SLC24A2: variants seen among roughly 807,000 people sequenced by gnomAD.
The protein encoded by SLC24A2 is solute carrier family 24 member 2, also known as sodium/potassium/calcium exchanger 2.
In SLC24A2, 36 loss-of-function variants were observed where a neutral mutation model predicts 62.0. That is an observed-to-expected ratio of 0.58 (90% CI 0.44 to 0.77). SLC24A2 has a LOEUF of 0.77. SLC24A2 is among the 30% of genes least tolerant of loss of function. The pLI, the probability that SLC24A2 is intolerant of heterozygous loss-of-function variation, is 0.00. For synonymous variants in SLC24A2, 358 were observed against 294.0 expected (o/e 1.22, Z -2.23); for missense variants, 846 against 817.9 (o/e 1.03, Z -0.42).
chr9:19,793,751 A>G (rs1264597256), upstream of SLC24A2, among the ~76,000 whole-genome samples: 4 of 152,196 alleles, frequency 2.6e-5, no homozygotes, highest in African/African-American at 4.8e-5. Context: ...CTCATAGTAT[A>G]TGATAGTCCC....
chr9:19,846,383 T>A, the SLC24A2 span, among the ~76,000 whole-genome samples: 1 of 152,192 alleles, frequency 6.6e-6, no homozygotes, highest in African/African-American at 2.4e-5. Context: ...TGGTTTAAAG[T>A]CTGCTTTAAC....
chr9:20,198,497 C>A, the SLC24A2 span, among the ~76,000 whole-genome samples: 1 of 152,194 alleles, frequency 6.6e-6, no homozygotes, highest in Non-Finnish European at 1.5e-5. Flanking sequence ...TGACTTACTC[C>A]GTGCAGTTTA....
chr9:20,073,653 T>C, the SLC24A2 span, among the ~76,000 whole-genome samples: 1 of 152,088 alleles, frequency 6.6e-6, no homozygotes, highest in African/African-American at 2.4e-5. Flanking sequence ...TATGTGTATA[T>C]TTAACTTCCA....
the SLC24A2 span, among the ~76,000 whole-genome samples, chr9:20,068,057 C>CTTT: frequency 0.011 from 1,002 of 89,602 alleles, 2 homozygotes; most frequent in Middle Eastern, 0.018. Context: ...TTTTTTGACT[C>CTTT]TTTTTTTTTT....
At chr9:20,213,726 G>T in the SLC24A2 span, among the ~76,000 whole-genome samples, 1 of 152,140 alleles carries the variant, frequency 6.6e-6, no homozygotes, top group Non-Finnish European at 1.5e-5. Context: ...ACCACAATTT[G>T]CTCAGGAACT....
the SLC24A2 span, among the ~76,000 whole-genome samples, chr9:20,203,513 A>C: frequency 6.6e-6 from 1 of 152,134 alleles, no homozygotes; most frequent in Non-Finnish European, 1.5e-5. Context: ...TGACTTCTAA[A>C]TTCTCTCCCT....
At chr9:20,175,510 T>C in the SLC24A2 span, among the ~76,000 whole-genome samples, 1 of 152,110 alleles carries the variant, frequency 6.6e-6, no homozygotes, top group South Asian at 2.1e-4. Flanking sequence ...TATTATGCTA[T>C]GTATATTTTA....
chr9:20,284,531 A>T, the SLC24A2 span, among the ~76,000 whole-genome samples: 1 of 151,300 alleles, frequency 6.6e-6, no homozygotes, highest in Non-Finnish European at 1.5e-5. Flanking sequence ...CTTAAAACAC[A>T]TTTTTTTTTG....
At chr9:19,928,884 TG>T in the SLC24A2 span, 1 of 152,226 alleles carries the variant, frequency 6.6e-6, no homozygotes, top group African/African-American at 2.4e-5. Flanking sequence ...CCTTCCATGC[TG>T]TGAGCCTTCA....
At chr9:20,234,280 C>T in the SLC24A2 span, among the ~76,000 whole-genome samples, 1 of 152,170 alleles carries the variant, frequency 6.6e-6, no homozygotes, top group Non-Finnish European at 1.5e-5. Context: ...GCCTGCCTTG[C>T]TAGATTGGGG....
the SLC24A2 span, among the ~76,000 whole-genome samples, chr9:20,048,917 T>C: frequency 6.6e-6 from 1 of 151,522 alleles, no homozygotes; most frequent in South Asian, 2.1e-4. Flanking sequence ...TTTATTTATT[T>C]ATGTATTTTT....
the SLC24A2 span, among the ~76,000 whole-genome samples, chr9:20,071,646 C>A: frequency 6.6e-6 from 1 of 152,132 alleles, no homozygotes. Context: ...ACCACCAGAA[C>A]AATTATCAAC....
rs1451027979 is a variant in SLC24A2 at position 19,512,200 on chromosome 9, A to C, written c.*3953T>G. On this transcript the variant is annotated 3_prime_UTR_variant, in exon 11 of 11. Coordinates refer to ENST00000341998, the MANE Select transcript of SLC24A2 (RefSeq NM_020344.4). ...TGCCCAGGAATGGATGTACATTAACATTGTCAAATGTCTAATCAGCGAGGC... is the reference window on the plus strand; with the variant it reads ...TGCCCAGGAATGGATGTACATTAACCTTGTCAAATGTCTAATCAGCGAGGC... 2 of 152,170 alleles carry C rather than the reference A, an allele frequency of 1.3e-5. No individual in the cohort carries two copies. The highest frequency in any genetic ancestry group is 4.8e-5 in the African/African-American group (2 of 41,436). The allele number at this position is 152,170 out of a possible 1,614,324, so 9.4% of individuals were successfully genotyped here.
intron 2 of SLC24A2, among the ~76,000 whole-genome samples, chr9:19,658,593 T>C (rs1264547518): frequency 1.3e-5 from 2 of 152,240 alleles, no homozygotes; most frequent in African/African-American, 4.8e-5. Context: ...GTTAGGTTAA[T>C]TGTTCTCTGT....
the SLC24A2 span, among the ~76,000 whole-genome samples, chr9:20,050,240 CAAA>C: frequency 1.5e-4 from 9 of 59,550 alleles, no homozygotes; most frequent in East Asian, 9.9e-4. Context: ...CCCGTCTCTA[CAAA>C]AAAAAAAAAA....
chr9:19,897,717 G>A, the SLC24A2 span, among the ~76,000 whole-genome samples: 1 of 152,086 alleles, frequency 6.6e-6, no homozygotes, highest in African/African-American at 2.4e-5. Context: ...ACCCCATGAG[G>A]TAGGTATTAT....
chr9:19,941,142 C>T, the SLC24A2 span, among the ~76,000 whole-genome samples: 1 of 152,124 alleles, frequency 6.6e-6, no homozygotes, highest in East Asian at 1.9e-4. Context: ...TAAAAAAGAA[C>T]AGAGTATCAG....
intron 2 of SLC24A2, among the ~76,000 whole-genome samples, chr9:19,697,775 A>T (rs1165564230): frequency 6.6e-6 from 1 of 152,160 alleles, no homozygotes; most frequent in African/African-American, 2.4e-5. Flanking sequence ...TCCATTTTTC[A>T]TTGACATCAT....
intron 8 of SLC24A2, among the ~76,000 whole-genome samples, chr9:19,540,574 C>A (rs1309343629): frequency 5.0e-4 from 73 of 146,834 alleles, no homozygotes; most frequent in Non-Finnish European, 4.6e-4. Flanking sequence ...CCGAGAGATC[C>A]GCTGTTAGTC....
Sources: gnomAD v4.1 joint callset for allele counts (sites outside exome capture counted in the v4.1 genomes callset) on GRCh38, gnomAD v4.1.1 for gene constraint, MANE v1.5 for transcripts, NCBI Gene and HGNC (gene_info 2026-07-23, HGNC 2026-07-21) for gene names.